GHR: variants seen among roughly 807,000 people sequenced by gnomAD.
The protein encoded by GHR is GH receptor.
A neutral mutation model predicts 67.1 loss-of-function variants in GHR; 35 were observed. That is an observed-to-expected ratio of 0.52 (90% CI 0.40 to 0.69). The LOEUF (loss-of-function observed/expected upper bound fraction) is 0.69. Ranked by LOEUF, GHR falls within the 30% of genes least tolerant of loss-of-function variation. The pLI is 0.00. For synonymous variants in GHR, 272 were observed against 269.1 expected (o/e 1.01, Z -0.10); for missense variants, 792 against 764.6 (o/e 1.04, Z -0.42).
rs1742755975 is a variant in GHR at position 42,424,485 on chromosome 5, A to T, written c.-12+530A>T. The T allele has an allele frequency of 2.3e-5, 22 of 964,994 alleles. No homozygotes were observed. The highest frequency in any genetic ancestry group is 3.5e-5 in the Non-Finnish European group (22 of 628,374). The allele number at this position is 964,994 out of a possible 1,614,324, so 59.8% of individuals were successfully genotyped here. On this transcript the variant is annotated intron_variant, in intron 1 of 9. Coordinates refer to ENST00000230882, the MANE Select transcript of GHR (RefSeq NM_000163.5). The surrounding 1 kb of genome is among the most constrained non-coding windows in gnomAD (Gnocchi z 4.1). ...TGGGGAGGTCGAGCTGTGCGCGTGGACACAGCGCGCAGAGCGCGCGGTCTT... is the reference window on the plus strand; with the variant it reads ...TGGGGAGGTCGAGCTGTGCGCGTGGTCACAGCGCGCAGAGCGCGCGGTCTT...
At chr5:42,717,472 G>T (rs1052361121) in intron 8 of GHR, among the ~76,000 whole-genome samples, 13 of 152,286 alleles carry the variant, frequency 8.5e-5, no homozygotes, top group African/African-American at 3.1e-4. Flanking sequence ...ATTAGTTAGA[G>T]ATAGTTAAAA....
At chr5:42,485,585 T>C (rs1579798744) in intron 1 of GHR, among the ~76,000 whole-genome samples, 1 of 152,246 alleles carries the variant, frequency 6.6e-6, no homozygotes, top group Non-Finnish European at 1.5e-5. Context: ...ATGGTGACTT[T>C]TGTTCTAGTG....
At chr5:42,706,570 G>T (rs1004129882) in intron 6 of GHR, among the ~76,000 whole-genome samples, 2 of 152,146 alleles carry the variant, frequency 1.3e-5, no homozygotes, top group African/African-American at 4.8e-5. Context: ...AGTCGTACAT[G>T]TTGAAAGGAA....
At chr5:42,571,580 C>G (rs1177069126) in intron 2 of GHR, among the ~76,000 whole-genome samples, 1 of 152,192 alleles carries the variant, frequency 6.6e-6, no homozygotes, top group African/African-American at 2.4e-5. Flanking sequence ...AATGAGTGAC[C>G]TACCCCTACA....
At chr5:42,668,882 G>A (rs1353092489) in intron 3 of GHR, among the ~76,000 whole-genome samples, 1 of 152,108 alleles carries the variant, frequency 6.6e-6, no homozygotes, top group Non-Finnish European at 1.5e-5. Context: ...TTAATACCCT[G>A]ATAAACACAT....
intron 1 of GHR, among the ~76,000 whole-genome samples, chr5:42,537,243 G>C (rs1229161334): frequency 2.0e-5 from 3 of 151,924 alleles, no homozygotes; most frequent in African/African-American, 7.3e-5. Context: ...CTTGAGGTTT[G>C]ACCTTAGAAA....
intron 1 of GHR, among the ~76,000 whole-genome samples, chr5:42,502,945 G>A (rs1216594269): frequency 6.6e-6 from 1 of 151,912 alleles, no homozygotes; most frequent in East Asian, 1.9e-4. Context: ...AAAATTATCA[G>A]GTTCAGTGTT....
At position 42,570,726 on chromosome 5, in the gene GHR, TCA is replaced by T. The variant is rs907145974; in HGVS notation, c.70+4785_70+4786del. Reference sequence around the variant, plus strand: ...ATGTATATTCCTGCTTTTAAGGAGCTCACAGTCTTTAGAAGAGAAAACAGAGA... The same window carrying T: ...ATGTATATTCCTGCTTTTAAGGAGCTCAGTCTTTAGAAGAGAAAACAGAGA... On this transcript the variant is annotated intron_variant, in intron 2 of 9. Transcript: ENST00000230882. Among the ~76,000 whole-genome samples, 5 of 152,308 alleles carry T rather than the reference TCA, an allele frequency of 3.3e-5. No individual in the cohort carries two copies. In the South Asian group the frequency reaches 6.2e-4, roughly 19 times the overall value.
At chr5:42,588,136 T>C (rs758017610) in intron 2 of GHR, among the ~76,000 whole-genome samples, 2 of 152,220 alleles carry the variant, frequency 1.3e-5, no homozygotes, top group Non-Finnish European at 2.9e-5. Flanking sequence ...AGTCAGATCA[T>C]ACTGATGCAG....
chr5:42,467,298 A>G, intron 1 of GHR: 1 of 1,118,530 alleles, frequency 8.9e-7, no homozygotes, highest in East Asian at 2.4e-5. Flanking sequence ...ACTCACACTC[A>G]TATGGCTTCT....
chr5:42,489,259 A>T lies in GHR; in HGVS notation c.-12+65304A>T, dbSNP rs1490513243. 2.0e-5 allele frequency among the ~76,000 whole-genome samples: 3 copies of T among 151,718 alleles called. No homozygotes were observed. The East Asian group carries it at 5.8e-4, about 29-fold the overall frequency. On this transcript the variant is annotated intron_variant, in intron 1 of 9. Coordinates refer to ENST00000230882, the MANE Select transcript of GHR (RefSeq NM_000163.5). Reference sequence around the variant, plus strand: ...TTTTTTTCACCTTTTTACCTCTTACATATTTCTTTTTTAAAAGTAACTTCA... The same window carrying T: ...TTTTTTTCACCTTTTTACCTCTTACTTATTTCTTTTTTAAAAGTAACTTCA...
intron 3 of GHR, among the ~76,000 whole-genome samples, chr5:42,649,402 T>C (rs1031418014): frequency 6.6e-6 from 1 of 152,154 alleles, no homozygotes; most frequent in Non-Finnish European, 1.5e-5. Context: ...GAGTACTTTT[T>C]AAATAATAAT....
intron 3 of GHR, among the ~76,000 whole-genome samples, chr5:42,688,647 A>T (rs182432142): frequency 6.6e-6 from 1 of 152,298 alleles, no homozygotes; most frequent in Non-Finnish European, 1.5e-5. Flanking sequence ...GTCCTATGAA[A>T]TGCTTGAAAT....
intron 1 of GHR, among the ~76,000 whole-genome samples, chr5:42,541,745 T>G (rs1022014197): frequency 2.0e-5 from 3 of 152,170 alleles, no homozygotes; most frequent in African/African-American, 7.2e-5. Context: ...GCATTCTGGA[T>G]GTAATTTGAA....
chr5:42,680,505 C>T (rs1018741819), intron 3 of GHR, among the ~76,000 whole-genome samples: 5 of 150,394 alleles, frequency 3.3e-5, no homozygotes, highest in Non-Finnish European at 7.4e-5. Flanking sequence ...ATAAACATTG[C>T]AAAACACTTT....
chr5:42,710,920 C>A (rs1360768717), intron 6 of GHR, among the ~76,000 whole-genome samples: 2 of 152,050 alleles, frequency 1.3e-5, no homozygotes, highest in Non-Finnish European at 2.9e-5. Flanking sequence ...ATACTTTAAT[C>A]TTATTAACTA....
chr5:42,508,433 C>T (rs1579839182), intron 1 of GHR, among the ~76,000 whole-genome samples: 1 of 152,188 alleles, frequency 6.6e-6, no homozygotes, highest in Admixed American at 6.5e-5. Context: ...ACACTCTTGC[C>T]AGCCTCTGCA....
chr5:42,499,649 T>C (rs1179597221), intron 1 of GHR, among the ~76,000 whole-genome samples: 2 of 152,138 alleles, frequency 1.3e-5, no homozygotes, highest in Non-Finnish European at 2.9e-5. Context: ...AAAAGAAAAC[T>C]GAATCCCCCT....
At chr5:42,675,827 A>C (rs1756546209) in intron 3 of GHR, among the ~76,000 whole-genome samples, 1 of 152,216 alleles carries the variant, frequency 6.6e-6, no homozygotes, top group Admixed American at 6.5e-5. Flanking sequence ...AGTACTATAA[A>C]TAAATACTTT....
Sources: gnomAD v4.1 joint callset for allele counts (sites outside exome capture counted in the v4.1 genomes callset) on GRCh38, gnomAD v4.1.1 for gene constraint, Gnocchi (gnomAD v3.1) non-coding constraint, MANE v1.5 for transcripts, NCBI Gene and HGNC (gene_info 2026-07-23, HGNC 2026-07-21) for gene names.